Variants in CARMIL1 observed in about 807,000 individuals in gnomAD.
The protein encoded by CARMIL1 is capping protein regulator and myosin 1 linker 1.
CARMIL1 carries 90 observed loss-of-function variants against 177.1 expected under a neutral mutation model. That is an observed-to-expected ratio of 0.51 (90% CI 0.43 to 0.61). The LOEUF (loss-of-function observed/expected upper bound fraction) is 0.61, where lower values mean the gene tolerates loss of function less well. CARMIL1 is among the 20% of genes least tolerant of loss of function. The pLI, the probability that CARMIL1 is intolerant of heterozygous loss-of-function variation, is 0.00. For missense variants in CARMIL1, 1,380 were observed against 1,667.0 expected (o/e 0.83, Z 3.00); for synonymous variants, 577 against 606.2 (o/e 0.95, Z 0.71).
At chr6:25,493,029 A>T (rs534471515) in intron 15 of CARMIL1, among the ~76,000 whole-genome samples, 1 of 152,344 alleles carries the variant, frequency 6.6e-6, no homozygotes, top group East Asian at 1.9e-4. Context: ...GAGAGTTTTA[A>T]TTGAAACCTA....
At chr6:25,290,672 A>T (rs749430096) in intron 2 of CARMIL1, among the ~76,000 whole-genome samples, 1 of 152,140 alleles carries the variant, frequency 6.6e-6, no homozygotes, top group Non-Finnish European at 1.5e-5. Flanking sequence ...TCTTAAACTG[A>T]GCAAGTAGGG....
intron 16 of CARMIL1, among the ~76,000 whole-genome samples, chr6:25,495,968 G>C (rs557171067): frequency 6.6e-6 from 1 of 152,080 alleles, no homozygotes; most frequent in Admixed American, 6.5e-5. Flanking sequence ...TGTATGCATG[G>C]ATTTCTCCCT....
intron 2 of CARMIL1, among the ~76,000 whole-genome samples, chr6:25,415,150 C>CT (rs892174184): frequency 1.7e-4 from 26 of 151,326 alleles, no homozygotes; most frequent in East Asian, 7.8e-4. Flanking sequence ...TTTTTCTACT[C>CT]TTTTTTTTTC....
chr6:25,326,865 C>T lies in CARMIL1; in HGVS notation c.138+41956C>T, dbSNP rs1445083774. Among the ~76,000 whole-genome samples the T allele has an allele frequency of 6.6e-6, 1 of 152,034 alleles. No homozygotes were observed. The highest frequency in any genetic ancestry group is 2.4e-5 in the African/African-American group (1 of 41,382). ...AGACGGAATCCCACTGTCACCCAGG[C>T]TGGAGTGCAGTGGCATGATCTTGGC... On this transcript the variant is annotated intron_variant, in intron 2 of 36. Transcript: ENST00000329474. This position sits in a 1 kb window ranked among gnomAD's most constrained non-coding sequence, Gnocchi z 4.2.
chr6:25,380,935 C>G lies in CARMIL1; in HGVS notation c.139-39179C>G, dbSNP rs570096485. Among the ~76,000 whole-genome samples, 3 of 152,248 alleles carry G rather than the reference C, an allele frequency of 2.0e-5. No homozygotes were observed. In the South Asian group the frequency reaches 6.2e-4, roughly 32 times the overall value. ...GAAAAGGGACTTTTTGAGGGTACAC[C>G]TATCTTTTTTTCTCTTTCTACTATA... On this transcript the variant is annotated intron_variant, in intron 2 of 36. Coordinates refer to ENST00000329474, the MANE Select transcript of CARMIL1 (RefSeq NM_017640.6).
In CARMIL1 at chr6:25,492,033, T is replaced by A; in HGVS notation, c.1220+9T>A. 1.9e-6 allele frequency: 3 copies of A among 1,608,986 alleles called. No homozygotes were observed. The highest frequency in any genetic ancestry group is 2.5e-6 in the Non-Finnish European group (3 of 1,176,520). ...ACTGTCTTCTCTCACCGGTATAGAT[T>A]TATTTCTGCTCTCATTGTCATCTGG... On this transcript the variant is annotated intron_variant, in intron 15 of 36. Coordinates refer to ENST00000329474, the MANE Select transcript of CARMIL1 (RefSeq NM_017640.6).
At chr6:25,380,117 A>T (rs2150479698) in intron 2 of CARMIL1, among the ~76,000 whole-genome samples, 1 of 152,278 alleles carries the variant, frequency 6.6e-6, no homozygotes, top group South Asian at 2.1e-4. Context: ...GGGAGATTTT[A>T]ATTGTGAGGA....
At chr6:25,614,233 C>T (rs547342534) in intron 36 of CARMIL1, among the ~76,000 whole-genome samples, 9 of 152,246 alleles carry the variant, frequency 5.9e-5, no homozygotes, top group African/African-American at 2.2e-4. Context: ...GGGGTTCCGG[C>T]GTATACTAGC....
chr6:25,615,180 A>G (rs1304733628), intron 36 of CARMIL1, among the ~76,000 whole-genome samples: 7 of 152,256 alleles, frequency 4.6e-5, no homozygotes, highest in African/African-American at 7.2e-5. Flanking sequence ...GATCAATTCT[A>G]TTAAATAATT....
At chr6:25,291,815 C>T (rs1781994536) in intron 2 of CARMIL1, among the ~76,000 whole-genome samples, 1 of 152,146 alleles carries the variant, frequency 6.6e-6, no homozygotes, top group African/African-American at 2.4e-5. Flanking sequence ...GCTCTGGTTG[C>T]ATGGAATAGA....
intron 2 of CARMIL1, among the ~76,000 whole-genome samples, chr6:25,304,193 A>C (rs1783085197): frequency 6.6e-6 from 1 of 152,216 alleles, no homozygotes; most frequent in Non-Finnish European, 1.5e-5. Context: ...AATTGATAAA[A>C]ATTACAGGTG....
At chr6:25,304,486 C>T (rs1193002952) in intron 2 of CARMIL1, among the ~76,000 whole-genome samples, 1 of 152,152 alleles carries the variant, frequency 6.6e-6, no homozygotes, top group Non-Finnish European at 1.5e-5. Flanking sequence ...GATCATCAGG[C>T]ATTAGATTCT....
intron 2 of CARMIL1, among the ~76,000 whole-genome samples, chr6:25,365,801 T>C (rs958420044): frequency 1.3e-5 from 2 of 152,192 alleles, no homozygotes; most frequent in Admixed American, 1.3e-4. Context: ...TCCGCCTGTT[T>C]TGGCATTCCA....
intron 11 of CARMIL1, among the ~76,000 whole-genome samples, chr6:25,474,707 A>G (rs1013975967): frequency 6.6e-6 from 1 of 152,248 alleles, no homozygotes; most frequent in Non-Finnish European, 1.5e-5. Context: ...TCTTAGGAAA[A>G]ACAAATGTTT....
intron 2 of CARMIL1, among the ~76,000 whole-genome samples, chr6:25,398,975 C>T (rs187948928): frequency 2.6e-5 from 4 of 152,280 alleles, no homozygotes; most frequent in Admixed American, 2.0e-4. Flanking sequence ...AATCATGGTA[C>T]CTTCCTCATG....
chr6:25,500,195 A>G lies in CARMIL1; in HGVS notation c.1355A>G (p.His452Arg), dbSNP rs754374241. 4 of 1,613,924 alleles carry G rather than the reference A, an allele frequency of 2.5e-6. No individual in the cohort carries two copies. Among genetic ancestry groups the G allele is most frequent in the Non-Finnish European group, 3.4e-6 (4 of 1,179,870 alleles). ...CTGTTATTGGGCCTGGCTTGTAATC[A>G]TAACTTGAAAGGGGTTTCTCTGGAT... ...KALLLGLACN[H>R]NLKGVSLDLS... Residue 452 changes from histidine (H) to arginine (R), a missense_variant, in exon 17 of 37, where the codon CAT becomes CGT. Physicochemically the swap from His to Arg is conservative, Grantham distance 29 (BLOSUM62 0). Coordinates refer to ENST00000329474, the MANE Select transcript of CARMIL1 (RefSeq NM_017640.6).
Position 25,537,913 on chromosome 6 carries a change from G to A in CARMIL1, c.2126G>A (p.Gly709Glu), listed in dbSNP as rs923463140. The part of the protein sequence containing the change: ...QDHLNSLRNC[G>E]GDAIQEDLKS... ...CATCTCAACTCCTTACGAAATTGTGGGGGAGACGCTATCCAGGAAGATTTA... is the reference window on the plus strand; with the variant it reads ...CATCTCAACTCCTTACGAAATTGTGAGGGAGACGCTATCCAGGAAGATTTA... The change falls in exon 25 of 37, where the codon GGG becomes GAG. Residue 709 changes from glycine (G) to glutamate (E), a missense_variant. Transcript: ENST00000329474. 1.9e-6 allele frequency: 3 copies of A among 1,608,312 alleles called. No homozygotes were observed. In the African/African-American group the frequency reaches 4.0e-5, roughly 21 times the overall value.
chr6:25,585,369 C>T (rs1264307870), intron 31 of CARMIL1, among the ~76,000 whole-genome samples: 5 of 152,250 alleles, frequency 3.3e-5, no homozygotes, highest in South Asian at 4.1e-4. Context: ...TGTCTCTGAA[C>T]CCTAATGCCT....
At chr6:25,559,562 C>T (rs536326474) in intron 29 of CARMIL1, among the ~76,000 whole-genome samples, 9 of 48,964 alleles carry the variant, frequency 1.8e-4, no homozygotes, top group African/African-American at 1.1e-3. Flanking sequence ...ATTTGTGCCA[C>T]AGATGGAGCT....
Sources: gnomAD v4.1 joint callset for allele counts (sites outside exome capture counted in the v4.1 genomes callset) on GRCh38, gnomAD v4.1.1 for gene constraint, Gnocchi (gnomAD v3.1) non-coding constraint, MANE v1.5 for transcripts, NCBI Gene and HGNC (gene_info 2026-07-23, HGNC 2026-07-21) for gene names.